Variants in VAT1L observed in about 807,000 individuals in gnomAD.
VAT1L encodes the protein putative NADPH-dependent quinone oxidoreductase VAT1L.
VAT1L carries 34 observed loss-of-function variants against 44.1 expected under a neutral mutation model. The observed-to-expected ratio is 0.77, with a 90% CI of 0.59 to 1.03. The LOEUF is 1.03. Among genes scored for constraint, VAT1L ranks in the 50% least tolerant of loss-of-function variants. VAT1L has a pLI of 0.00. For synonymous variants in VAT1L, 253 were observed against 202.2 expected (o/e 1.25, Z -2.13); for missense variants, 615 against 538.8 (o/e 1.14, Z -1.40).
At chr16:77,868,956 G>T (rs1298092413) in intron 4 of VAT1L, among the ~76,000 whole-genome samples, 1 of 152,136 alleles carries the variant, frequency 6.6e-6, no homozygotes, top group Non-Finnish European at 1.5e-5. Flanking sequence ...AGATTGATGA[G>T]ACTCTTGAAA....
chr16:77,940,981 CAG>C (rs2017875870), intron 7 of VAT1L, among the ~76,000 whole-genome samples: 1 of 152,294 alleles, frequency 6.6e-6, no homozygotes, highest in African/African-American at 2.4e-5. Context: ...GCTTCAAGTT[CAG>C]AGTCTTCAGG....
chr16:77,815,225 T>G lies in VAT1L; in HGVS notation c.234-1696T>G, dbSNP rs151253833. Among the ~76,000 whole-genome samples, 67 of 152,344 alleles carry G rather than the reference T, an allele frequency of 4.4e-4. No individual in the cohort carries two copies. In the East Asian group the frequency reaches 0.012, roughly 27 times the overall value. On this transcript the variant is annotated intron_variant, in intron 1 of 8. Coordinates refer to ENST00000302536, the MANE Select transcript of VAT1L (RefSeq NM_020927.3). ...TAGGATCTTTGGGAGTCTACAAATATCATTCAGAAATGTATCCATTACTCC... is the reference window on the plus strand; with the variant it reads ...TAGGATCTTTGGGAGTCTACAAATAGCATTCAGAAATGTATCCATTACTCC...
At chr16:77,933,903 T>C (rs1032895898) in intron 7 of VAT1L, among the ~76,000 whole-genome samples, 30 of 152,150 alleles carry the variant, frequency 2.0e-4, no homozygotes, top group African/African-American at 7.2e-4. Context: ...GGAGGCACAA[T>C]CGGGAATCTG....
At chr16:77,975,231 A>ATTTT (rs1567527926) in intron 8 of VAT1L, among the ~76,000 whole-genome samples, 2 of 62,462 alleles carry the variant, frequency 3.2e-5, no homozygotes, top group African/African-American at 1.3e-4. Flanking sequence ...TTTTTTTTAA[A>ATTTT]GACAGTCTCA....
Position 77,979,589 on chromosome 16 carries a change from T to G in VAT1L, c.*1894T>G, listed in dbSNP as rs2018377853. On this transcript the variant is annotated 3_prime_UTR_variant, in exon 9 of 9. Coordinates refer to ENST00000302536, the MANE Select transcript of VAT1L (RefSeq NM_020927.3). ...GCCCTTGGCCATACTAGGGCTCTCC[T>G]TCCCCCGGGGAGTGGGAACTCAGCC... 6.6e-6 allele frequency: 1 copy of G among 152,150 alleles called. No homozygotes were observed. The highest frequency in any genetic ancestry group is 1.5e-5 in the Non-Finnish European group (1 of 68,014). 9.4% of individuals were successfully genotyped at this position (152,150 alleles called of 1,614,324 possible). A position where few individuals can be genotyped will look rare whatever the true frequency, so the allele number is the denominator to read the frequency against.
Position 77,894,856 on chromosome 16 carries a change from G to C in VAT1L, c.1077+10054G>C, listed in dbSNP as rs147093995. 1.8e-4 allele frequency among the ~76,000 whole-genome samples: 28 copies of C among 152,166 alleles called. 2 individuals carry two copies. In the East Asian group the frequency reaches 5.4e-3, roughly 29 times the overall value. On this transcript the variant is annotated intron_variant, in intron 7 of 8. Transcript: ENST00000302536. ...GGAGAACTTGGGAGATGGGGAAGAG[G>C]CACAGCCTTAGAATCTCTGGATCCC...
intron 7 of VAT1L, among the ~76,000 whole-genome samples, chr16:77,940,774 T>C (rs1282782049): frequency 6.6e-6 from 1 of 152,178 alleles, no homozygotes; most frequent in Non-Finnish European, 1.5e-5. Flanking sequence ...CTAATGTATG[T>C]TTCCCAAAGA....
At chr16:77,837,672 C>T (rs1597059451) in intron 3 of VAT1L, among the ~76,000 whole-genome samples, 2 of 152,174 alleles carry the variant, frequency 1.3e-5, no homozygotes, top group Admixed American at 1.3e-4. Flanking sequence ...GGAGTCAGAG[C>T]TGGTTTTCAT....
At chr16:77,818,577 T>C (rs2016395546) in intron 2 of VAT1L, among the ~76,000 whole-genome samples, 1 of 152,188 alleles carries the variant, frequency 6.6e-6, no homozygotes, top group South Asian at 2.1e-4. Flanking sequence ...ATTGAATAAA[T>C]AACCAGTTAT....
At chr16:77,866,592 A>ATT (rs1241685136) in intron 4 of VAT1L, among the ~76,000 whole-genome samples, 1 of 151,232 alleles carries the variant, frequency 6.6e-6, no homozygotes, top group Non-Finnish European at 1.5e-5. Flanking sequence ...TTGTTACGCT[A>ATT]TTAGGTGTAC....
At chr16:77,933,733 G>T (rs191391602) in intron 7 of VAT1L, among the ~76,000 whole-genome samples, 325 of 152,314 alleles carry the variant, frequency 2.1e-3, no homozygotes, top group Non-Finnish European at 3.8e-3. Flanking sequence ...AGGCCCTGAG[G>T]TGACAGTGGG....
intron 7 of VAT1L, among the ~76,000 whole-genome samples, chr16:77,927,817 C>T (rs1172596692): frequency 2.6e-5 from 4 of 152,046 alleles, no homozygotes; most frequent in Non-Finnish European, 4.4e-5. Context: ...TACAGTGAGC[C>T]GAGATCACGC....
At chr16:77,823,751 G>T (rs773103218) in intron 2 of VAT1L, among the ~76,000 whole-genome samples, 5 of 152,182 alleles carry the variant, frequency 3.3e-5, no homozygotes, top group Non-Finnish European at 5.9e-5. Context: ...GGGTACAGTG[G>T]CTCATGCCTG....
chr16:77,797,142 C>T lies in VAT1L; in HGVS notation c.233+8227C>T, dbSNP rs184125865. ...TTTTTTTTTTTTTGAGATGGGGTCTCGCTCTATCACCCAGGCTGGAGTGCA... is the reference window on the plus strand; with the variant it reads ...TTTTTTTTTTTTTGAGATGGGGTCTTGCTCTATCACCCAGGCTGGAGTGCA... On this transcript the variant is annotated intron_variant, in intron 1 of 8. Coordinates refer to ENST00000302536, the MANE Select transcript of VAT1L (RefSeq NM_020927.3). Among the ~76,000 whole-genome samples the T allele has an allele frequency of 8.6e-5, 13 of 150,900 alleles. No individual in the cohort carries two copies. In the East Asian group the frequency reaches 2.1e-3, roughly 25 times the overall value.
intron 7 of VAT1L, among the ~76,000 whole-genome samples, chr16:77,905,216 A>T (rs550943343): frequency 6.6e-6 from 1 of 152,336 alleles, no homozygotes; most frequent in African/African-American, 2.4e-5. Context: ...AAATCTTGCA[A>T]TAATTTTCCT....
chr16:77,837,186 G>A (rs1401802713), intron 3 of VAT1L, among the ~76,000 whole-genome samples: 2 of 152,270 alleles, frequency 1.3e-5, no homozygotes, highest in Non-Finnish European at 2.9e-5. Flanking sequence ...TTTGTTGGTC[G>A]ACTTTGCCTC....
chr16:77,963,842 G>T (rs1345796804), intron 7 of VAT1L, among the ~76,000 whole-genome samples: 1 of 152,180 alleles, frequency 6.6e-6, no homozygotes, highest in Non-Finnish European at 1.5e-5. Context: ...TCCCAGCACA[G>T]AAATGATTTG....
At chr16:77,816,875 T>A in intron 1 of VAT1L, 46 bp from the exon 2 acceptor site, 1 of 1,544,586 alleles carries the variant, frequency 6.5e-7, no homozygotes, top group South Asian at 1.2e-5. Flanking sequence ...TGCTTTCTTT[T>A]GGATCTCATT....
chr16:77,976,643 T>C (rs1298677157), intron 8 of VAT1L, among the ~76,000 whole-genome samples: 1 of 152,220 alleles, frequency 6.6e-6, no homozygotes, highest in African/African-American at 2.4e-5. Flanking sequence ...GGGATGTTAA[T>C]GGACAGAACT....
Sources: allele counts gnomAD v4.1 joint callset (sites outside exome capture counted in the v4.1 genomes callset), GRCh38; gene constraint gnomAD v4.1.1; transcripts MANE v1.5; gene names NCBI Gene and HGNC (gene_info 2026-07-23, HGNC 2026-07-21).